FGF14: variants seen among roughly 807,000 people sequenced by gnomAD.
FGF14 encodes fibroblast growth factor 14.
In FGF14, 5 loss-of-function variants were observed where a neutral mutation model predicts 25.5. That is an observed-to-expected ratio of 0.20 (90% CI 0.10 to 0.41). The LOEUF (loss-of-function observed/expected upper bound fraction) is 0.41. FGF14 is among the 10% of genes least tolerant of loss of function. The pLI is 1.00. For synonymous variants in FGF14, 138 were observed against 118.3 expected, an observed-to-expected ratio of 1.17 and a Z score of -1.08; for missense variants, 222 against 320.1, an observed-to-expected ratio of 0.69 and a Z score of 2.34.
At chr13:102,028,746 C>G (rs2041063491) in intron 1 of FGF14, among the ~76,000 whole-genome samples, 1 of 151,752 alleles carries the variant, frequency 6.6e-6, no homozygotes, top group Non-Finnish European at 1.5e-5. Flanking sequence ...AGCTTTAAAT[C>G]ACAGATGCCC....
chr13:101,864,468 G>C (rs1456780453), intron 3 of FGF14, among the ~76,000 whole-genome samples: 1 of 152,070 alleles, frequency 6.6e-6, no homozygotes, highest in East Asian at 1.9e-4. Flanking sequence ...AGAAGTGAGG[G>C]AGGGTGACCC....
intron 3 of FGF14, among the ~76,000 whole-genome samples, chr13:101,783,878 T>A (rs1010853168): frequency 3.3e-5 from 5 of 152,190 alleles, no homozygotes; most frequent in Admixed American, 1.3e-4. Flanking sequence ...AAGGGCCCAG[T>A]TTTAATCTTC....
chr13:101,871,631 T>C (rs2045094798), intron 2 of FGF14, among the ~76,000 whole-genome samples: 1 of 151,838 alleles, frequency 6.6e-6, no homozygotes, highest in African/African-American at 2.4e-5. Context: ...TGTCTGTCAG[T>C]AGGAACAATG....
At chr13:102,036,534 AAAC>A (rs1595069540) in intron 1 of FGF14, among the ~76,000 whole-genome samples, 1 of 152,236 alleles carries the variant, frequency 6.6e-6, no homozygotes, top group East Asian at 1.9e-4. Context: ...ACAATTTTCC[AAAC>A]AACATCATAT....
At chr13:102,178,491 C>T (rs1007843472) in intron 1 of FGF14, among the ~76,000 whole-genome samples, 10 of 152,100 alleles carry the variant, frequency 6.6e-5, no homozygotes, top group African/African-American at 2.4e-4. Flanking sequence ...ATGTAACCAT[C>T]GCCCAAATAG....
In FGF14 at chr13:101,758,280, T is replaced by A. The variant is rs2037787166; in HGVS notation, c.409-31470A>T. ...AGGAAATGGAAGCTGAGAGCAGCAG[T>A]TCTAACTTTAGCATGCATCAGAATC... On this transcript the variant is annotated intron_variant, in intron 3 of 4. Coordinates refer to ENST00000376143, the MANE Select transcript of FGF14 (RefSeq NM_004115.4). Among the ~76,000 whole-genome samples the A allele has an allele frequency of 2.0e-5, 3 of 152,180 alleles. No homozygotes were observed. The South Asian group carries it at 6.2e-4, about 32-fold the overall frequency.
intron 1 of FGF14, among the ~76,000 whole-genome samples, chr13:102,077,243 C>T (rs1183321405): frequency 6.6e-6 from 1 of 152,004 alleles, no homozygotes; most frequent in Non-Finnish European, 1.5e-5. Flanking sequence ...CGGGCAATAA[C>T]ATTTTGGATA....
intron 1 of FGF14, among the ~76,000 whole-genome samples, chr13:102,089,397 A>G (rs2044069794): frequency 6.6e-6 from 1 of 152,214 alleles, no homozygotes; most frequent in Non-Finnish European, 1.5e-5. Context: ...TGTAACAAGT[A>G]TCTTTTCAGT....
At chr13:101,755,559 C>A (rs1263273055) in intron 3 of FGF14, among the ~76,000 whole-genome samples, 2 of 152,146 alleles carry the variant, frequency 1.3e-5, no homozygotes, top group East Asian at 3.9e-4. Flanking sequence ...TAAATCAGAT[C>A]AAATTTTCAA....
At chr13:102,334,840 T>C (rs575441616) in intron 1 of FGF14, among the ~76,000 whole-genome samples, 3 of 152,302 alleles carry the variant, frequency 2.0e-5, no homozygotes, top group African/African-American at 7.2e-5. Flanking sequence ...TAACCCATTA[T>C]GATAACAAGA....
At chr13:101,830,787 G>T (rs1017963866) in intron 3 of FGF14, among the ~76,000 whole-genome samples, 1 of 152,068 alleles carries the variant, frequency 6.6e-6, no homozygotes, top group Non-Finnish European at 1.5e-5. Flanking sequence ...TAAAATCAAG[G>T]TGTTGGCAGA....
chr13:101,965,675 GT>G (rs201323636), intron 1 of FGF14, among the ~76,000 whole-genome samples: 304 of 143,614 alleles, frequency 2.1e-3, no homozygotes, highest in East Asian at 7.0e-3. Flanking sequence ...TTTTGTGTTA[GT>G]TTTTTTTTTT....
At chr13:102,233,262 G>C (rs916373184) in intron 1 of FGF14, among the ~76,000 whole-genome samples, 3 of 151,998 alleles carry the variant, frequency 2.0e-5, no homozygotes, top group African/African-American at 7.3e-5. Context: ...AGCCTCCCAA[G>C]TAGCTGGGAT....
In FGF14 at chr13:102,095,521, A is replaced by G. The variant is rs539584354; in HGVS notation, c.209-220225T>C. On this transcript the variant is annotated intron_variant, in intron 1 of 4. Coordinates refer to the FGF14 transcript ENST00000376131. The stretch of plus-strand genomic sequence containing the variant: ...AAGCAAAAAGTTATACAGAAATTAC[A>G]ATGTATTTTCATAAAGTTGCACTAA... Among the ~76,000 whole-genome samples, 13 of 152,316 alleles carry G rather than the reference A, an allele frequency of 8.5e-5. No homozygotes were observed. In the East Asian group the frequency reaches 2.5e-3, roughly 29 times the overall value.
At chr13:101,748,471 G>A (rs2037040982) in intron 3 of FGF14, among the ~76,000 whole-genome samples, 1 of 151,466 alleles carries the variant, frequency 6.6e-6, no homozygotes, top group African/African-American at 2.4e-5. Flanking sequence ...AATAGACACT[G>A]GAGACTTGAA....
chr13:102,146,211 C>T (rs952640567), intron 1 of FGF14, among the ~76,000 whole-genome samples: 7 of 152,138 alleles, frequency 4.6e-5, no homozygotes, highest in South Asian at 4.1e-4. Context: ...GTAATTTACA[C>T]GCAGTACATG....
chr13:101,838,775 G>A (rs991386220), intron 3 of FGF14, among the ~76,000 whole-genome samples: 1 of 151,996 alleles, frequency 6.6e-6, no homozygotes, highest in Non-Finnish European at 1.5e-5. Context: ...ATGCAAATAA[G>A]TTATACCTAA....
intron 1 of FGF14, among the ~76,000 whole-genome samples, chr13:102,006,777 G>A (rs1446089840): frequency 4.4e-4 from 48 of 107,934 alleles, no homozygotes; most frequent in African/African-American, 1.3e-3. Flanking sequence ...TCGCTCTGTC[G>A]CCCAGGTCGG....
chr13:102,003,659 G>C (rs376407292), intron 1 of FGF14, among the ~76,000 whole-genome samples: 1 of 146,972 alleles, frequency 6.8e-6, no homozygotes, highest in African/African-American at 2.6e-5. Flanking sequence ...TATTGCAAGG[G>C]GTTAGCTTTT....
Sources: allele counts gnomAD v4.1 joint callset (sites outside exome capture counted in the v4.1 genomes callset), GRCh38; gene constraint gnomAD v4.1.1; transcripts MANE v1.5; gene names NCBI Gene and HGNC (gene_info 2026-07-23, HGNC 2026-07-21).